The following HIF3A variants were observed in gnomAD, a reference collection of about 807,000 sequenced individuals.
HIF3A encodes hypoxia-inducible factor 3-alpha.
Under a neutral mutation model 67.2 loss-of-function variants are expected in HIF3A, and 41 were observed. The ratio of observed to expected loss-of-function variants is 0.61; its 90% CI spans 0.48 to 0.79. HIF3A has a LOEUF of 0.79. HIF3A is among the 30% of genes least tolerant of loss of function. The probability of loss-of-function intolerance (pLI) is 0.00; values close to 1 mark genes in which losing one functional copy is unlikely to be tolerated. For missense variants in HIF3A, 855 were observed against 898.0 expected, an observed-to-expected ratio of 0.95 and a Z score of 0.61; for synonymous variants, 356 against 374.8, an observed-to-expected ratio of 0.95 and a Z score of 0.58.
At chr19:46,337,944 C>G (rs1971746236) in intron 14 of HIF3A, among the ~76,000 whole-genome samples, 1 of 152,182 alleles carries the variant, frequency 6.6e-6, no homozygotes, top group Admixed American at 6.5e-5. Context: ...CTGCTGTTCT[C>G]TTCTTTGTGC....
intron 11 of HIF3A, among the ~76,000 whole-genome samples, chr19:46,326,888 T>C (rs1235808093): frequency 6.6e-6 from 1 of 152,102 alleles, no homozygotes; most frequent in Non-Finnish European, 1.5e-5. Context: ...GCGTGGTGGC[T>C]CACGCCTGTA....
chr19:46,298,420 G>A lies in HIF3A; in HGVS notation c.26+1318G>A, dbSNP rs900030276. On this transcript the variant is annotated intron_variant, in intron 1 of 14. Transcript: ENST00000377670. ...CTGTGGAGTCATCTCACCGCCGTGC[G>A]CACCCACTCGTAACTCGCACCCGGG... 1.9e-5 allele frequency: 25 copies of A among 1,287,498 alleles called. No homozygotes were observed. The East Asian group carries it at 2.8e-4, about 14-fold the overall frequency. The allele number at this position is 1,287,498 out of a possible 1,614,324, so 79.8% of individuals were successfully genotyped here. A position where few individuals can be genotyped will look rare whatever the true frequency, so the allele number is the denominator to read the frequency against.
At chr19:46,336,085 CTTTTTTT>C (rs1017798750) in intron 14 of HIF3A, among the ~76,000 whole-genome samples, 10 of 79,390 alleles carry the variant, frequency 1.3e-4, no homozygotes, top group Non-Finnish European at 2.3e-4. Context: ...CTCTCTCTCT[CTTTTTTT>C]TTTTTTTTTT....
chr19:46,331,203 T>G lies in HIF3A; in HGVS notation c.1760T>G (p.Leu587Arg). 6.2e-7 allele frequency: 1 copy of G among 1,614,104 alleles called. No individual in the cohort carries two copies. The highest frequency in any genetic ancestry group is 8.5e-7 in the Non-Finnish European group (1 of 1,179,992). Reference protein sequence around the residue: ...SEDEDEGVELLGVRPPKRSPS... With the variant: ...SEDEDEGVELRGVRPPKRSPS... Reference sequence around the variant, plus strand: ...GACGAGGACGAGGGAGTGGAGCTGCTGGGAGTGAGACCTCCCAAAAGGTCC... The same window carrying G: ...GACGAGGACGAGGGAGTGGAGCTGCGGGGAGTGAGACCTCCCAAAAGGTCC... Residue 587 changes from leucine to arginine, a missense_variant, in exon 13 of 15, where the codon CTG becomes CGG. By Grantham distance (102) the Leu-to-Arg change is moderately radical (BLOSUM62 -2). Around this residue, in one of 3 missense-constraint regions of HIF3A, gnomAD observed 199 missense variants for 193.8 expected, o/e 1.03. Transcript: ENST00000377670.
intron 7 of HIF3A, 72 bp downstream of exon 7, chr19:46,312,339 C>T (rs1312014623): frequency 5.6e-6 from 9 of 1,612,204 alleles, no homozygotes; most frequent in Admixed American, 1.7e-5. Flanking sequence ...GACCCCCCAG[C>T]TCCCCATACC....
intron 1 of HIF3A, among the ~76,000 whole-genome samples, chr19:46,303,100 TTCAATGGGACGTTA>T: frequency 6.6e-6 from 1 of 152,162 alleles, no homozygotes; most frequent in East Asian, 1.9e-4. Context: ...TCCTCATCTG[TTCAATGGGACGTTA>T]TCAACTTCCT....
intron 8 of HIF3A, chr19:46,313,140 A>T: frequency 1.9e-6 from 1 of 534,970 alleles, no homozygotes; most frequent in Non-Finnish European, 2.4e-6. Flanking sequence ...AATCCCAACT[A>T]CTCGGGAGGC....
chr19:46,297,263 G>A lies in HIF3A; in HGVS notation c.26+161G>A, dbSNP rs1967936198. Among the ~76,000 whole-genome samples the A allele has an allele frequency of 6.6e-6, 1 of 152,192 alleles. No individual in the cohort carries two copies. Among genetic ancestry groups the A allele is most frequent in the South Asian group, 2.1e-4 (1 of 4,824 alleles). On this transcript the variant is annotated intron_variant, in intron 1 of 14. Transcript: ENST00000377670. This position sits in a 1 kb window ranked among gnomAD's most constrained non-coding sequence, Gnocchi z 4.5. Reference sequence around the variant, plus strand: ...TCCCCACCGCACTCTCCACCCTTAGGGACTGCAGGGGTGGGGGATTCCCTA... The same window carrying A: ...TCCCCACCGCACTCTCCACCCTTAGAGACTGCAGGGGTGGGGGATTCCCTA...
chr19:46,307,911 G>A (rs1022822352), intron 3 of HIF3A, among the ~76,000 whole-genome samples: 2 of 152,108 alleles, frequency 1.3e-5, no homozygotes, highest in Non-Finnish European at 2.9e-5. Context: ...TCCAGCCTGG[G>A]CAACAGAGCA....
intron 14 of HIF3A, chr19:46,338,214 G>T (rs1298894190): frequency 8.8e-6 from 4 of 453,928 alleles, no homozygotes; most frequent in Non-Finnish European, 1.8e-5. Flanking sequence ...GTTTTTTGTT[G>T]TTTTTGAGAT....
chr19:46,303,837 C>A, intron 1 of HIF3A, 61 bp from the exon 2 acceptor site: 1 of 1,555,784 alleles, frequency 6.4e-7, no homozygotes, highest in South Asian at 1.2e-5. Context: ...CCCACGTGCT[C>A]GTCCCGTCCT....
intron 13 of HIF3A, among the ~76,000 whole-genome samples, chr19:46,332,700 C>T (rs1338517585): frequency 6.6e-6 from 1 of 151,786 alleles, no homozygotes; most frequent in East Asian, 1.9e-4. Flanking sequence ...TAACAGTTTA[C>T]AGGCCAGACA....
chr19:46,317,018 C>T (rs1167466427), intron 8 of HIF3A, among the ~76,000 whole-genome samples: 5 of 152,080 alleles, frequency 3.3e-5, no homozygotes, highest in Non-Finnish European at 7.4e-5. Context: ...ACAGGGCTCG[C>T]TGCAGCCCTG....
Position 46,315,307 on chromosome 19 carries a change from T to C in HIF3A, c.1025+2654T>C, listed in dbSNP as rs1277460569. Among the ~76,000 whole-genome samples, 4 of 146,638 alleles carry C rather than the reference T, an allele frequency of 2.7e-5. 1 individual carries two copies. The highest frequency in any genetic ancestry group is 1.5e-5 in the Non-Finnish European group (1 of 66,848). On this transcript the variant is annotated intron_variant, in intron 8 of 14. Coordinates refer to ENST00000377670, the MANE Select transcript of HIF3A (RefSeq NM_152795.4). Reference sequence around the variant, plus strand: ...GTCTCGAACTCCTGACCTCAGGTGATCCTCCTGCCTCAGCCTCCCAAAGTG... The same window carrying C: ...GTCTCGAACTCCTGACCTCAGGTGACCCTCCTGCCTCAGCCTCCCAAAGTG...
chr19:46,320,231 A>C, intron 8 of HIF3A: 1 of 506,536 alleles, frequency 2.0e-6, no homozygotes, highest in Non-Finnish European at 3.5e-6. Flanking sequence ...CCTTGTCTTA[A>C]AAAAATAAAA....
intron 9 of HIF3A, among the ~76,000 whole-genome samples, chr19:46,320,872 A>G (rs1483550429): frequency 6.6e-6 from 1 of 152,034 alleles, no homozygotes; most frequent in Non-Finnish European, 1.5e-5. Context: ...GTGGCTCCAC[A>G]TTGCCCCCAC....
At chr19:46,308,903 G>A (rs1969165990) in intron 5 of HIF3A, 128 bp downstream of exon 5, 3 of 689,888 alleles carry the variant, frequency 4.3e-6, no homozygotes, top group East Asian at 5.5e-5. Context: ...CTCAGGTCAG[G>A]TCTAGCGGGT....
rs1342906726 is a variant in HIF3A, at chr19:46,343,204, AC to A, written c.*3586del. 6.6e-6 allele frequency: 1 copy of A among 152,438 alleles called. No individual in the cohort carries two copies. The highest frequency in any genetic ancestry group is 2.4e-5 in the African/African-American group (1 of 41,278). The allele number at this position is 152,438 out of a possible 1,614,324, so 9.4% of individuals were successfully genotyped here. A position where few individuals can be genotyped will look rare whatever the true frequency, so the allele number is the denominator to read the frequency against. ...GCCTCCCCCCTTCTTAGCCCCATTT[AC>A]CCCGTTTGTGGAAGGCACTGCTCGC... On this transcript the variant is annotated 3_prime_UTR_variant, in exon 15 of 15. Coordinates refer to ENST00000377670, the MANE Select transcript of HIF3A (RefSeq NM_152795.4).
At chr19:46,336,020 G>T (rs1167055645) in intron 14 of HIF3A, among the ~76,000 whole-genome samples, 2 of 151,146 alleles carry the variant, frequency 1.3e-5, no homozygotes, top group Non-Finnish European at 2.9e-5. Context: ...CAACCTGCGT[G>T]ACAGGGCGAG....
Sources: gnomAD v4.1 joint callset for allele counts (sites outside exome capture counted in the v4.1 genomes callset) on GRCh38, gnomAD v4.1.1 for gene constraint, gnomAD v4.1.1 regional missense constraint, Gnocchi (gnomAD v3.1) non-coding constraint, MANE v1.5 for transcripts, NCBI Gene and HGNC (gene_info 2026-07-23, HGNC 2026-07-21) for gene names.